CRB1: variants seen among roughly 807,000 people sequenced by gnomAD.
CRB1 encodes the protein crumbs cell polarity complex component 1, also known as protein crumbs homolog 1.
Under a neutral mutation model 120.0 loss-of-function variants are expected in CRB1, and 83 were observed. The ratio of observed to expected loss-of-function variants is 0.69; its 90% CI spans 0.58 to 0.83. The LOEUF (loss-of-function observed/expected upper bound fraction) is 0.83. CRB1 is among the 40% of genes least tolerant of loss of function. The probability of loss-of-function intolerance (pLI) is 0.00; values close to 1 mark genes in which losing one functional copy is unlikely to be tolerated. For synonymous variants in CRB1, 625 were observed against 612.5 expected (o/e 1.02, Z -0.30); for missense variants, 1,699 against 1,687.6 (o/e 1.01, Z -0.12).
chr1:197,312,965 C>T (rs1657627885), intron 1 of CRB1, among the ~76,000 whole-genome samples: 1 of 152,066 alleles, frequency 6.6e-6, no homozygotes, highest in Non-Finnish European at 1.5e-5. Flanking sequence ...TCCATTCTCA[C>T]ACTGCTATAA....
chr1:197,248,587 C>A, the CRB1 span, among the ~76,000 whole-genome samples: 35 of 151,980 alleles, frequency 2.3e-4, no homozygotes, highest in East Asian at 6.8e-3. Flanking sequence ...CTTAAAGATT[C>A]TCTGTTTATT....
At chr1:197,473,628 A>C (rs551357987) in intron 11 of CRB1, among the ~76,000 whole-genome samples, 2 of 152,136 alleles carry the variant, frequency 1.3e-5, no homozygotes, top group South Asian at 4.1e-4. Flanking sequence ...GAAAAAAAAA[A>C]AACAATTCTA....
intron 1 of CRB1, among the ~76,000 whole-genome samples, chr1:197,289,185 C>A (rs1256956468): frequency 6.6e-6 from 1 of 151,754 alleles, no homozygotes; most frequent in Non-Finnish European, 1.5e-5. Context: ...AACACACACA[C>A]AAAACCATAC....
At chr1:197,366,085 ACTTTCT>A (rs138319791) in intron 5 of CRB1, among the ~76,000 whole-genome samples, 2,302 of 152,230 alleles carry the variant, frequency 0.015, 68 homozygotes, top group African/African-American at 0.053. Flanking sequence ...GCAAGTGTTA[ACTTTCT>A]CTTTATCTTC....
chr1:197,250,741 A>T, the CRB1 span, among the ~76,000 whole-genome samples: 4 of 152,042 alleles, frequency 2.6e-5, no homozygotes, highest in African/African-American at 9.6e-5. Context: ...CATTATGGAC[A>T]CGTGTGGCTC....
chr1:197,440,006 A>G (rs1665356847), intron 10 of CRB1: 1 of 152,176 alleles, frequency 6.6e-6, no homozygotes, highest in African/African-American at 2.4e-5. Context: ...TATGTGCATG[A>G]AAGGAGATAG....
chr1:197,434,090 T>C (rs1665004950), intron 8 of CRB1, among the ~76,000 whole-genome samples: 1 of 152,110 alleles, frequency 6.6e-6, no homozygotes, highest in Non-Finnish European at 1.5e-5. Context: ...ATGAGAGCAA[T>C]TGATATGGTT....
intron 5 of CRB1, among the ~76,000 whole-genome samples, chr1:197,388,163 T>C (rs187267950): frequency 7.6e-4 from 115 of 152,184 alleles, no homozygotes; most frequent in African/African-American, 2.6e-3. Context: ...TATATAACAC[T>C]GCAATGAACA....
intron 11 of CRB1, among the ~76,000 whole-genome samples, chr1:197,463,749 A>G (rs1666631900): frequency 6.6e-6 from 1 of 152,194 alleles, no homozygotes; most frequent in Non-Finnish European, 1.5e-5. Context: ...TTAAATCCTC[A>G]GCTTGTAGTT....
At chr1:197,413,770 C>T (rs1179439110) in intron 5 of CRB1, 2 of 353,290 alleles carry the variant, frequency 5.7e-6, no homozygotes, top group Non-Finnish European at 5.7e-6. Context: ...TTACACTAAG[C>T]CACACTGATC....
chr1:197,228,717 C>G, the CRB1 span, among the ~76,000 whole-genome samples: 1 of 152,200 alleles, frequency 6.6e-6, no homozygotes, highest in Non-Finnish European at 1.5e-5. Context: ...CAGCAACGCC[C>G]TGCTCTACTG....
chr1:197,244,596 T>G, the CRB1 span, among the ~76,000 whole-genome samples: 2 of 152,070 alleles, frequency 1.3e-5, no homozygotes, highest in African/African-American at 4.8e-5. Context: ...GATTTTTTCT[T>G]TGTGTTTAAT....
chr1:197,261,164 AAC>A, the CRB1 span, among the ~76,000 whole-genome samples: 12 of 152,206 alleles, frequency 7.9e-5, no homozygotes, highest in African/African-American at 2.7e-4. Flanking sequence ...AATCTATACA[AAC>A]ACAGAATAAA....
chr1:197,359,455 A>G (rs1375809057), intron 5 of CRB1, among the ~76,000 whole-genome samples: 1 of 151,966 alleles, frequency 6.6e-6, no homozygotes, highest in Non-Finnish European at 1.5e-5. Flanking sequence ...TGGTATGTAT[A>G]TATCAAAGAT....
chr1:197,377,794 A>T (rs1661726108), intron 5 of CRB1, among the ~76,000 whole-genome samples: 2 of 152,156 alleles, frequency 1.3e-5, no homozygotes, highest in African/African-American at 2.4e-5. Flanking sequence ...TTTTGTTAAA[A>T]ATGAAACCTT....
intron 1 of CRB1, among the ~76,000 whole-genome samples, chr1:197,313,815 T>A (rs1236043548): frequency 1.3e-5 from 2 of 152,180 alleles, no homozygotes; most frequent in African/African-American, 4.8e-5. Context: ...CACTTAAAAA[T>A]CCATTCATCT....
chr1:197,269,518 ATT>A (rs971281248), intron 1 of CRB1, among the ~76,000 whole-genome samples: 1 of 152,020 alleles, frequency 6.6e-6, no homozygotes, highest in Non-Finnish European at 1.5e-5. Flanking sequence ...CTCACAAAAG[ATT>A]TTTTTTCATA....
chr1:197,350,946 T>C, intron 4 of CRB1, among the ~76,000 whole-genome samples: 1 of 151,936 alleles, frequency 6.6e-6, no homozygotes, highest in East Asian at 1.9e-4. Context: ...TAAATAAATA[T>C]CAAAATTAGG....
intron 5 of CRB1, chr1:197,363,982 A>C: frequency 7.3e-7 from 1 of 1,371,434 alleles, no homozygotes; most frequent in African/African-American, 1.4e-5. Flanking sequence ...ACAGAGGGAA[A>C]GCTATGAAAA....
Sources: gnomAD v4.1 joint callset for allele counts (sites outside exome capture counted in the v4.1 genomes callset) on GRCh38, gnomAD v4.1.1 for gene constraint, MANE v1.5 for transcripts, NCBI Gene and HGNC (gene_info 2026-07-23, HGNC 2026-07-21) for gene names.